The following GRIK3 variants were observed in gnomAD, a reference collection of about 807,000 sequenced individuals.
GRIK3 encodes glutamate receptor ionotropic, kainate 3.
A neutral mutation model predicts 102.5 loss-of-function variants in GRIK3; 29 were observed. That is an observed-to-expected ratio of 0.28 (90% CI 0.21 to 0.39). The LOEUF is 0.39. Ranked by LOEUF, GRIK3 falls within the 10% of genes least tolerant of loss-of-function variation. The pLI, the probability that GRIK3 is intolerant of heterozygous loss-of-function variation, is 1.00. For synonymous variants in GRIK3, 511 were observed against 504.9 expected (o/e 1.01, Z -0.16); for missense variants, 908 against 1,252.4 (o/e 0.73, Z 4.15).
At chr1:36,854,252 C>T (rs537322614) in intron 7 of GRIK3, among the ~76,000 whole-genome samples, 54 of 152,296 alleles carry the variant, frequency 3.5e-4, no homozygotes, top group African/African-American at 7.2e-4. Context: ...CACAATTAGC[C>T]GTGCGACCTT....
intron 1 of GRIK3, among the ~76,000 whole-genome samples, chr1:36,964,267 G>T (rs1044838892): frequency 6.6e-6 from 1 of 152,188 alleles, no homozygotes. Flanking sequence ...ACCAGCTGAG[G>T]GTTCAGGATT....
chr1:36,966,257 A>G (rs978312749), intron 1 of GRIK3, among the ~76,000 whole-genome samples: 2 of 152,152 alleles, frequency 1.3e-5, no homozygotes, highest in Non-Finnish European at 2.9e-5. Context: ...CTTGTGGCAG[A>G]TTTGTGATGT....
intron 11 of GRIK3, among the ~76,000 whole-genome samples, chr1:36,823,223 C>T (rs1338546104): frequency 2.0e-5 from 3 of 152,128 alleles, no homozygotes; most frequent in Admixed American, 1.3e-4. Flanking sequence ...CCTGTAATCC[C>T]AGCACTTTGG....
At chr1:36,925,223 C>G (rs1195454015) in intron 1 of GRIK3, among the ~76,000 whole-genome samples, 1 of 152,214 alleles carries the variant, frequency 6.6e-6, no homozygotes, top group Non-Finnish European at 1.5e-5. Context: ...AACTTGAACT[C>G]ACACATGTGA....
chr1:36,886,282 C>A (rs965651567), intron 2 of GRIK3, among the ~76,000 whole-genome samples: 4 of 152,184 alleles, frequency 2.6e-5, no homozygotes, highest in Admixed American at 6.5e-5. Context: ...CCCCTCCCCC[C>A]ACAGGGCCCG....
intron 3 of GRIK3, among the ~76,000 whole-genome samples, chr1:36,875,480 TG>T (rs1640903978): frequency 6.6e-6 from 1 of 152,260 alleles, no homozygotes; most frequent in African/African-American, 2.4e-5. Context: ...CTCACCCATG[TG>T]AATTGTTTTG....
rs1215132653 is a variant in GRIK3, at chr1:36,806,311, TGGA to T, written c.2104_2106del (p.Ser702del). 6.2e-7 allele frequency: 1 copy of T among 1,612,928 alleles called. No individual in the cohort carries two copies. The highest frequency in any genetic ancestry group is 1.1e-5 in the South Asian group (1 of 90,978). On this transcript the variant is annotated inframe_deletion, in exon 14 of 16. Transcript: ENST00000373091. The surrounding 1 kb of genome is among the most constrained non-coding windows in gnomAD (Gnocchi z 4.0). ...ATGAAGGCCCACATCTTCTCGAAGG[TGGA>T]GATCTTGGATTTCTGGGCCGTGAGG...
chr1:36,962,634 G>GAGAGGA, intron 1 of GRIK3, among the ~76,000 whole-genome samples: 1 of 135,280 alleles, frequency 7.4e-6, no homozygotes, highest in South Asian at 2.4e-4. Context: ...GAGAGAGAGG[G>GAGAGGA]AGAGGAAGAG....
At position 36,880,487 on chromosome 1, in the gene GRIK3, A is replaced by G; in HGVS notation, c.550+147T>C. The G allele has an allele frequency of 1.2e-6, 1 of 812,718 alleles. No individual in the cohort carries two copies. 50.3% of individuals were successfully genotyped at this position (812,718 alleles called of 1,614,324 possible). On this transcript the variant is annotated intron_variant, in intron 3 of 15. Coordinates refer to ENST00000373091, the MANE Select transcript of GRIK3 (RefSeq NM_000831.4). This position sits in a 1 kb window ranked among gnomAD's most constrained non-coding sequence, Gnocchi z 5.4. ...CAGGGTGTGAGTGGGTGCAGGGGTG[A>G]ACATCAGCATAACCGAGTGGAACTG...
chr1:36,843,229 G>A (rs1484909554), intron 9 of GRIK3, among the ~76,000 whole-genome samples: 1 of 152,130 alleles, frequency 6.6e-6, no homozygotes, highest in Non-Finnish European at 1.5e-5. Flanking sequence ...CCGAATCCAG[G>A]TCAACACGCA....
Position 36,808,846 on chromosome 1 carries a change from G to C in GRIK3, c.2092-2520C>G, listed in dbSNP as rs79076717. Among the ~76,000 whole-genome samples the C allele has an allele frequency of 8.0e-3, 1,225 of 152,274 alleles. 22 individuals are homozygous for C. Among genetic ancestry groups the C allele is most frequent in the African/African-American group, 0.028 (1,169 of 41,546 alleles). ...CCACATAGTCACATAAGCGACTTCTGCTCCCAGTATGGTTGCTTTTTCAGA... is the reference window on the plus strand; with the variant it reads ...CCACATAGTCACATAAGCGACTTCTCCTCCCAGTATGGTTGCTTTTTCAGA... On this transcript the variant is annotated intron_variant, in intron 13 of 15. Transcript: ENST00000373091.
At chr1:36,932,133 C>T (rs908387920) in intron 1 of GRIK3, among the ~76,000 whole-genome samples, 1 of 152,176 alleles carries the variant, frequency 6.6e-6, no homozygotes, top group African/African-American at 2.4e-5. Context: ...CCGCTTGTTT[C>T]TCCTTCCTTC....
intron 1 of GRIK3, among the ~76,000 whole-genome samples, chr1:36,928,807 G>A (rs957359037): frequency 6.6e-6 from 1 of 152,180 alleles, no homozygotes; most frequent in Non-Finnish European, 1.5e-5. Context: ...TTATGCAGTA[G>A]GAAAATGCTC....
intron 13 of GRIK3, among the ~76,000 whole-genome samples, chr1:36,812,856 A>G (rs1322803411): frequency 2.0e-5 from 3 of 152,186 alleles, no homozygotes; most frequent in African/African-American, 4.8e-5. Context: ...TGGACCTTCA[A>G]TACAGGCTGC....
intron 1 of GRIK3, among the ~76,000 whole-genome samples, chr1:36,902,817 T>C (rs1001367195): frequency 1.1e-4 from 16 of 151,570 alleles, no homozygotes; most frequent in African/African-American, 3.6e-4. Context: ...TGAAACAGGG[T>C]CTTGCTCTGT....
At chr1:36,898,895 G>A (rs546340009) in intron 1 of GRIK3, among the ~76,000 whole-genome samples, 1 of 152,226 alleles carries the variant, frequency 6.6e-6, no homozygotes, top group South Asian at 2.1e-4. Context: ...ATGGTTAAAT[G>A]ATTTTTGACA....
chr1:36,891,009 T>C lies in GRIK3; in HGVS notation c.203A>G (p.Asn68Ser). The change falls in exon 2 of 16, where the codon AAC (asparagine) becomes AGC (serine). Residue 68 changes from asparagine to serine, a missense_variant. Transcript: ENST00000373091. ...HAFRFSANIINRNRTLLPNTT... is the reference protein window; with the variant it reads ...HAFRFSANIISRNRTLLPNTT... ...GTTGGGCAGCAGAGTCCTGTTCCTG[T>C]TGATGATGTTGGCAGAAAATCGAAA... is the stretch of plus-strand genomic sequence containing the variant. The C allele has an allele frequency of 6.2e-7, 1 of 1,614,024 alleles. No homozygotes were observed.
At chr1:36,888,695 A>G (rs1641069968) in intron 2 of GRIK3, among the ~76,000 whole-genome samples, 1 of 152,242 alleles carries the variant, frequency 6.6e-6, no homozygotes, top group South Asian at 2.1e-4. Flanking sequence ...TCAAGTGCAT[A>G]AACTGGCTCC....
At chr1:36,932,956 C>T (rs764441917) in intron 1 of GRIK3, among the ~76,000 whole-genome samples, 1 of 152,208 alleles carries the variant, frequency 6.6e-6, no homozygotes, top group African/African-American at 2.4e-5. Context: ...ACTGCTAACG[C>T]TAATAACCAA....
Sources: allele counts gnomAD v4.1 joint callset (sites outside exome capture counted in the v4.1 genomes callset), GRCh38; gene constraint gnomAD v4.1.1; non-coding constraint Gnocchi (gnomAD v3.1); transcripts MANE v1.5; gene names NCBI Gene and HGNC (gene_info 2026-07-23, HGNC 2026-07-21).